Variants in RBFOX1 observed in about 807,000 individuals in gnomAD.
RBFOX1 encodes RNA binding protein fox-1 homolog 1.
RBFOX1 carries 8 observed loss-of-function variants against 57.7 expected under a neutral mutation model. The observed-to-expected ratio is 0.14, with a 90% CI of 0.08 to 0.25. The LOEUF is 0.25. RBFOX1 is among the 10% of genes least tolerant of loss of function. The probability of loss-of-function intolerance (pLI) is 1.00; values close to 1 mark genes in which losing one functional copy is unlikely to be tolerated. For synonymous variants in RBFOX1, 326 were observed against 222.4 expected (o/e 1.47, Z -4.15); for missense variants, 611 against 548.5 (o/e 1.11, Z -1.14).
In RBFOX1 at chr16:7,702,695, T is replaced by C. The variant is rs4787063; in HGVS notation, c.996-6361T>C. On this transcript the variant is annotated intron_variant, in intron 14 of 15. Transcript: ENST00000550418. ...TGACTCCTTTCCAGCCCCTGAGAAT[T>C]GCTGAAAGCCGAGCATTTTGTCCAA... 4.9e-3 allele frequency among the ~76,000 whole-genome samples: 752 copies of C among 152,312 alleles called. 11 individuals are homozygous for C. In the East Asian group the frequency reaches 0.053, roughly 11 times the overall value.
chr16:6,269,019 A>G (rs1200551515), intron 1 of RBFOX1, among the ~76,000 whole-genome samples: 8 of 152,172 alleles, frequency 5.3e-5, no homozygotes, highest in Non-Finnish European at 1.2e-4. Flanking sequence ...AGCATTTATC[A>G]TTTTATTTGT....
intron 3 of RBFOX1, among the ~76,000 whole-genome samples, chr16:5,820,699 G>C (rs1001027739): frequency 1.3e-5 from 2 of 152,112 alleles, no homozygotes; most frequent in Non-Finnish European, 2.9e-5. Context: ...CTGAATTGTT[G>C]GGACGCGACT....
intron 3 of RBFOX1, among the ~76,000 whole-genome samples, chr16:5,829,621 C>T (rs911536852): frequency 2.0e-5 from 3 of 152,148 alleles, no homozygotes; most frequent in Non-Finnish European, 4.4e-5. Context: ...TCTTCAGTAA[C>T]AGCCCCTGCT....
chr16:6,731,170 C>A lies in RBFOX1; in HGVS notation c.-16+76520C>A, dbSNP rs1480415537. Reference sequence around the variant, plus strand: ...GACTGCTGAGGACAGCTAGAATTATCTAAGATGCAAAAATACAGGGAAGAT... The same window carrying A: ...GACTGCTGAGGACAGCTAGAATTATATAAGATGCAAAAATACAGGGAAGAT... On this transcript the variant is annotated intron_variant, in intron 3 of 15. Transcript: ENST00000550418. Among the ~76,000 whole-genome samples, 3 of 152,194 alleles carry A rather than the reference C, an allele frequency of 2.0e-5. 1 individual carries two copies. In the South Asian group the frequency reaches 6.2e-4, roughly 32 times the overall value.
At chr16:7,668,199 T>C (rs938701044) in intron 13 of RBFOX1, among the ~76,000 whole-genome samples, 4 of 152,190 alleles carry the variant, frequency 2.6e-5, no homozygotes, top group African/African-American at 7.2e-5. Flanking sequence ...TCAAGGTCTT[T>C]CCATGCCTAC....
intron 2 of RBFOX1, among the ~76,000 whole-genome samples, chr16:6,320,070 T>G (rs1387642309): frequency 6.6e-6 from 1 of 152,120 alleles, no homozygotes; most frequent in Non-Finnish European, 1.5e-5. Flanking sequence ...TTAATATAAT[T>G]GGCTTTGGTG....
chr16:6,940,172 A>T (rs931787180), intron 3 of RBFOX1, among the ~76,000 whole-genome samples: 1 of 151,726 alleles, frequency 6.6e-6, no homozygotes, highest in Non-Finnish European at 1.5e-5. Context: ...AGTCTGGGCA[A>T]CAGAGTGAGA....
intron 3 of RBFOX1, among the ~76,000 whole-genome samples, chr16:6,952,550 A>C (rs1434192205): frequency 6.6e-6 from 1 of 152,038 alleles, no homozygotes; most frequent in African/African-American, 2.4e-5. Flanking sequence ...AGGTAGGAGA[A>C]TCACTTAGGC....
At chr16:6,392,109 A>G (rs989313024) in intron 2 of RBFOX1, among the ~76,000 whole-genome samples, 2 of 152,192 alleles carry the variant, frequency 1.3e-5, no homozygotes, top group Admixed American at 1.3e-4. Flanking sequence ...TTATGCCCAG[A>G]GTGACTCTGT....
In RBFOX1 at chr16:7,507,563, TTC is replaced by T. The variant is rs779678642; in HGVS notation, c.28-10582_28-10581del. Among the ~76,000 whole-genome samples, 111 of 137,114 alleles carry T rather than the reference TTC, an allele frequency of 8.1e-4. 3 individuals carry two copies. Among genetic ancestry groups the T allele is most frequent in the African/African-American group, 2.6e-3 (99 of 38,286 alleles). 90.0% of individuals were successfully genotyped at this position (137,114 alleles called of 152,430 possible). A position where few individuals can be genotyped will look rare whatever the true frequency, so the allele number is the denominator to read the frequency against. ...GGAACGTGATTTTTTTTTTCTTTCT[TTC>T]TTTTTTTTTTTTTTTTGAGACGGAG... On this transcript the variant is annotated intron_variant, in intron 4 of 15. Transcript: ENST00000550418.
chr16:7,708,949 A>C, intron 14 of RBFOX1, 107 bp from the exon 15 acceptor site: 1 of 980,336 alleles, frequency 1.0e-6, no homozygotes, highest in Non-Finnish European at 1.6e-6. Context: ...TCTCACTGGA[A>C]GATGAGTAGG....
chr16:5,874,004 G>A (rs557870552), intron 4 of RBFOX1, among the ~76,000 whole-genome samples: 1 of 152,304 alleles, frequency 6.6e-6, no homozygotes, highest in East Asian at 1.9e-4. Flanking sequence ...TAATCAGAAG[G>A]AACACAGAAG....
At chr16:6,854,094 A>T (rs1224537048) in intron 3 of RBFOX1, among the ~76,000 whole-genome samples, 3 of 152,208 alleles carry the variant, frequency 2.0e-5, no homozygotes, top group Non-Finnish European at 2.9e-5. Context: ...TGAGTGTGAT[A>T]ATGTTTTCTT....
intron 3 of RBFOX1, among the ~76,000 whole-genome samples, chr16:5,614,138 G>T (rs1289522545): frequency 6.6e-6 from 1 of 152,128 alleles, no homozygotes; most frequent in Non-Finnish European, 1.5e-5. Flanking sequence ...ACTCCCTCTA[G>T]GTTGGGAGGT....
chr16:6,717,329 A>C (rs773235806), intron 3 of RBFOX1, among the ~76,000 whole-genome samples: 2 of 152,144 alleles, frequency 1.3e-5, no homozygotes, highest in Admixed American at 6.5e-5. Flanking sequence ...CTTTGTGATA[A>C]ATCTCCCCTT....
chr16:6,172,886 C>T (rs546031213), intron 1 of RBFOX1, among the ~76,000 whole-genome samples: 6 of 152,258 alleles, frequency 3.9e-5, no homozygotes, highest in East Asian at 1.9e-4. Flanking sequence ...TCTCACAGTG[C>T]GGGCAGAGCT....
At chr16:7,049,837 T>G (rs952009427) in intron 3 of RBFOX1, among the ~76,000 whole-genome samples, 2 of 152,232 alleles carry the variant, frequency 1.3e-5, no homozygotes, top group Non-Finnish European at 2.9e-5. Flanking sequence ...CACCACCCAC[T>G]TCATTTATTT....
intron 4 of RBFOX1, among the ~76,000 whole-genome samples, chr16:7,200,266 C>T (rs1462594712): frequency 1.3e-5 from 2 of 152,110 alleles, no homozygotes; most frequent in Admixed American, 6.5e-5. Context: ...AGATTTAAAG[C>T]AGGTAGGTTT....
chr16:6,880,039 C>G (rs1264817269), intron 3 of RBFOX1, among the ~76,000 whole-genome samples: 1 of 152,118 alleles, frequency 6.6e-6, no homozygotes, highest in East Asian at 1.9e-4. Context: ...TTCCTCCATC[C>G]ATGCAAGTAA....
Sources: allele counts gnomAD v4.1 joint callset (sites outside exome capture counted in the v4.1 genomes callset), GRCh38; gene constraint gnomAD v4.1.1; transcripts MANE v1.5; gene names NCBI Gene and HGNC (gene_info 2026-07-23, HGNC 2026-07-21).